The following ATG16L1 variants were observed in gnomAD, a reference collection of about 807,000 sequenced individuals.
ATG16L1 encodes the protein autophagy-related protein 16-1.
ATG16L1 carries 37 observed loss-of-function variants against 88.5 expected under a neutral mutation model. That is an observed-to-expected ratio of 0.42 (90% CI 0.32 to 0.55). The LOEUF (loss-of-function observed/expected upper bound fraction) is 0.55. ATG16L1 is among the 20% of genes least tolerant of loss of function. The pLI is 0.13. For missense variants in ATG16L1, 554 were observed against 752.8 expected (o/e 0.74, Z 3.09); for synonymous variants, 301 against 281.0 (o/e 1.07, Z -0.71).
chr2:233,282,666 T>C lies in ATG16L1; in HGVS notation c.1132-16T>C, dbSNP rs770880433. 1.6e-5 allele frequency: 26 copies of C among 1,613,310 alleles called. No homozygotes were observed. The highest frequency in any genetic ancestry group is 2.2e-5 in the Non-Finnish European group (26 of 1,179,416). ...ATTTGGCTAAAAATTGGTTTTCCTC[T>C]TCTTTATTCCCACAGGGATCTTACC... On this transcript the variant is annotated splice_polypyrimidine_tract_variant and intron_variant, in intron 11 of 17. Transcript: ENST00000392017.
chr2:233,270,417 A>G (rs548298194), intron 6 of ATG16L1, among the ~76,000 whole-genome samples: 1 of 152,304 alleles, frequency 6.6e-6, no homozygotes, highest in East Asian at 1.9e-4. Flanking sequence ...CTTACTTGAG[A>G]TAGATTATTG....
chr2:233,289,996 G>A, intron 13 of ATG16L1, 22 bp downstream of exon 13: 4 of 1,612,980 alleles, frequency 2.5e-6, no homozygotes, highest in Non-Finnish European at 3.4e-6. Context: ...CAGTCTCTCT[G>A]TCTGTGTATA....
At chr2:233,287,060 A>G (rs1699136995) in intron 12 of ATG16L1, among the ~76,000 whole-genome samples, 1 of 152,210 alleles carries the variant, frequency 6.6e-6, no homozygotes, top group African/African-American at 2.4e-5. Context: ...GTGTGCTCAT[A>G]GATGTTCACT....
At chr2:233,275,829 G>A (rs1354811799) in intron 9 of ATG16L1, 1 of 519,072 alleles carries the variant, frequency 1.9e-6, no homozygotes, top group Non-Finnish European at 3.8e-6. Flanking sequence ...TCACATTTAA[G>A]TCATGTGTAT....
chr2:233,280,998 T>C, intron 10 of ATG16L1, 107 bp from the exon 11 acceptor site: 1 of 652,958 alleles, frequency 1.5e-6, no homozygotes, highest in Admixed American at 3.3e-5. Context: ...AGGATAGCTA[T>C]TGTTTTAGCA....
At chr2:233,269,786 A>G (rs1252229446) in intron 5 of ATG16L1, among the ~76,000 whole-genome samples, 2 of 152,150 alleles carry the variant, frequency 1.3e-5, no homozygotes, top group Admixed American at 6.5e-5. Context: ...AATGTGGCCT[A>G]TCTCTCTTCT....
At chr2:233,257,633 A>C (rs1040931723) in intron 2 of ATG16L1, among the ~76,000 whole-genome samples, 6 of 152,226 alleles carry the variant, frequency 3.9e-5, no homozygotes, top group Non-Finnish European at 8.8e-5. Context: ...AAGTAGAGGA[A>C]CATCAGTATT....
At position 233,292,161 on chromosome 2, in the gene ATG16L1, G is replaced by A. The variant is rs1226015968; in HGVS notation, c.1464G>A (p.Leu488=). 3 of 1,614,196 alleles carry A rather than the reference G, an allele frequency of 1.9e-6. No individual in the cohort carries two copies. The highest frequency in any genetic ancestry group is 1.1e-5 in the South Asian group (1 of 91,086). ...GCATAGTTCGAGAGATGGAGCTGTT[G>A]GGAAAGATTACTGCCCTGGACTTAA... ...SESIVREMEL[L]GKITALDLNP... Residue 488 remains leucine, a synonymous_variant, in exon 15 of 18, where the codon TTG becomes TTA. Transcript: ENST00000392017.
intron 15 of ATG16L1, 37 bp downstream of exon 15, chr2:233,292,314 G>T (rs1699513730): frequency 6.2e-7 from 1 of 1,611,512 alleles, no homozygotes. Flanking sequence ...AAGACCAGAG[G>T]CCCAGCCCTG....
chr2:233,289,404 T>TGTGTGTGTGTGTGTGTGTGTGA (rs1699303605), intron 12 of ATG16L1, among the ~76,000 whole-genome samples: 2 of 130,978 alleles, frequency 1.5e-5, no homozygotes, highest in African/African-American at 3.4e-5. Flanking sequence ...TGTGTGTGTG[T>TGTGTGTGTGTGTGTGTGTGTGA]GTGTGACAGG....
intron 9 of ATG16L1, chr2:233,275,438 C>T (rs1698281338): frequency 2.9e-6 from 1 of 339,706 alleles, no homozygotes; most frequent in African/African-American, 2.1e-5. Context: ...GTTGGACTGA[C>T]TCCAGTACTG....
At chr2:233,260,945 T>C (rs1697165153) in intron 2 of ATG16L1, among the ~76,000 whole-genome samples, 2 of 152,100 alleles carry the variant, frequency 1.3e-5, no homozygotes, top group Admixed American at 6.6e-5. Flanking sequence ...TGTTTTTCTT[T>C]GTGTTGTTAG....
rs1574857678 is a variant in ATG16L1, at chr2:233,266,466, AC to A, written c.641+1324del. Among the ~76,000 whole-genome samples, 5 of 152,274 alleles carry A rather than the reference AC, an allele frequency of 3.3e-5. No individual in the cohort carries two copies. In the East Asian group the frequency reaches 9.6e-4, roughly 29 times the overall value. On this transcript the variant is annotated intron_variant, in intron 5 of 17. Coordinates refer to ENST00000392017, the MANE Select transcript of ATG16L1 (RefSeq NM_030803.7). ...AGAGCGAGACCCCATCCAGAAACAA[AC>A]AAAAAAGCTCTACAGATTAGAACAT...
At chr2:233,288,008 G>GTTACTGGAGCTTTC (rs1407451032) in intron 12 of ATG16L1, among the ~76,000 whole-genome samples, 1 of 152,158 alleles carries the variant, frequency 6.6e-6, no homozygotes, top group Non-Finnish European at 1.5e-5. Context: ...TGTAGGCTTT[G>GTTACTGGAGCTTTC]TTACTGGAGC....
chr2:233,284,795 G>A (rs890967164), intron 12 of ATG16L1, among the ~76,000 whole-genome samples: 14 of 152,224 alleles, frequency 9.2e-5, no homozygotes, highest in Non-Finnish European at 2.1e-4. Context: ...AATCTACAAG[G>A]GAGGTGGAGG....
intron 14 of ATG16L1, 56 bp downstream of exon 14, chr2:233,290,409 C>T: frequency 7.3e-7 from 1 of 1,368,870 alleles, no homozygotes. Context: ...AGTAATGGTT[C>T]TGTACATGGG....
At chr2:233,255,791 T>C (rs1696736012) in intron 1 of ATG16L1, among the ~76,000 whole-genome samples, 1 of 152,230 alleles carries the variant, frequency 6.6e-6, no homozygotes, top group Non-Finnish European at 1.5e-5. Context: ...ACCTAAAAAG[T>C]AATTAGATAT....
chr2:233,278,571 G>C (rs566991949), intron 10 of ATG16L1, among the ~76,000 whole-genome samples: 2 of 152,186 alleles, frequency 1.3e-5, no homozygotes, highest in African/African-American at 4.8e-5. Flanking sequence ...CAGATACTAC[G>C]TGATTTACAT....
chr2:233,256,284 C>A, intron 2 of ATG16L1, 89 bp downstream of exon 2: 1 of 1,109,024 alleles, frequency 9.0e-7, no homozygotes, highest in Non-Finnish European at 1.3e-6. Context: ...AAAAGCAAAT[C>A]AAGTACTATT....
Sources: gnomAD v4.1 joint callset for allele counts (sites outside exome capture counted in the v4.1 genomes callset) on GRCh38, gnomAD v4.1.1 for gene constraint, MANE v1.5 for transcripts, NCBI Gene and HGNC (gene_info 2026-07-23, HGNC 2026-07-21) for gene names.